DGKB: variants seen among roughly 807,000 people sequenced by gnomAD.
DGKB encodes the protein 90 kDa diacylglycerol kinase.
In DGKB, 67 loss-of-function variants were observed where a neutral mutation model predicts 114.3. The ratio of observed to expected loss-of-function variants is 0.59; its 90% CI spans 0.48 to 0.72. DGKB has a LOEUF of 0.72. Ranked by LOEUF, DGKB falls within the 30% of genes least tolerant of loss-of-function variation. DGKB has a pLI of 0.00. For missense variants in DGKB, 907 were observed against 975.2 expected (o/e 0.93, Z 0.93); for synonymous variants, 398 against 323.1 (o/e 1.23, Z -2.49).
rs1781811387 is a variant in DGKB at position 14,176,832 on chromosome 7, T to C, written c.2304+7A>G. The C allele has an allele frequency of 1.9e-6, 3 of 1,613,840 alleles. No individual in the cohort carries two copies. The highest frequency in any genetic ancestry group is 2.5e-6 in the Non-Finnish European group (3 of 1,179,770). On this transcript the variant is annotated splice_region_variant and intron_variant, in intron 25 of 25. Transcript: ENST00000402815. ...TTGACATAGCATATCAACTACTCTG[T>C]ACTCACTGTGCATGGGGTCTGCATC...
chr7:14,487,440 T>C (rs141084598), intron 20 of DGKB, among the ~76,000 whole-genome samples: 22 of 152,312 alleles, frequency 1.4e-4, no homozygotes, highest in African/African-American at 5.1e-4. Flanking sequence ...ATTAAATCTC[T>C]GTGGACTTCT....
intron 23 of DGKB, among the ~76,000 whole-genome samples, chr7:14,279,770 G>A (rs1799636125): frequency 6.7e-6 from 1 of 149,854 alleles, no homozygotes; most frequent in Non-Finnish European, 1.5e-5. Flanking sequence ...ACACTGCAGG[G>A]TACTCCAACA....
intron 20 of DGKB, among the ~76,000 whole-genome samples, chr7:14,511,808 C>T (rs1234278576): frequency 6.6e-6 from 1 of 151,996 alleles, no homozygotes; most frequent in East Asian, 1.9e-4. Flanking sequence ...TATTAATAGC[C>T]TAATTTCAAT....
chr7:14,915,295 T>C (rs1323282386), intron 1 of DGKB, among the ~76,000 whole-genome samples: 2 of 152,130 alleles, frequency 1.3e-5, no homozygotes, highest in African/African-American at 2.4e-5. Flanking sequence ...GGAGAATCAC[T>C]TGAGCCCAGG....
intron 21 of DGKB, among the ~76,000 whole-genome samples, chr7:14,407,508 C>A (rs1205513000): frequency 6.6e-6 from 1 of 151,980 alleles, no homozygotes; most frequent in Non-Finnish European, 1.5e-5. Context: ...GGAGAAGAAG[C>A]TACCTGGGTA....
intron 2 of DGKB, among the ~76,000 whole-genome samples, chr7:14,796,964 T>C (rs932462104): frequency 6.6e-6 from 1 of 152,194 alleles, no homozygotes; most frequent in Non-Finnish European, 1.5e-5. Context: ...CACTTTTCTT[T>C]AATTAATAAT....
At chr7:14,930,242 C>G (rs1412159822) in intron 1 of DGKB, among the ~76,000 whole-genome samples, 1 of 151,984 alleles carries the variant, frequency 6.6e-6, no homozygotes, top group Non-Finnish European at 1.5e-5. Context: ...GGATTTTTTT[C>G]TAATTCTATG....
chr7:14,577,628 G>A (rs1166078641), intron 19 of DGKB, among the ~76,000 whole-genome samples: 1 of 150,804 alleles, frequency 6.6e-6, no homozygotes, highest in African/African-American at 2.5e-5. Flanking sequence ...AAAAAAAAAA[G>A]TGTGTCCAAT....
intron 20 of DGKB, among the ~76,000 whole-genome samples, chr7:14,537,149 C>T (rs1254292944): frequency 1.3e-5 from 2 of 151,860 alleles, no homozygotes; most frequent in East Asian, 3.9e-4. Context: ...ATTTAAAACC[C>T]TCATAAAAGA....
chr7:14,300,924 C>A (rs1054404985), intron 23 of DGKB, among the ~76,000 whole-genome samples: 9 of 152,064 alleles, frequency 5.9e-5, no homozygotes, highest in Admixed American at 3.3e-4. Flanking sequence ...TCAAAGATGA[C>A]ATTTGTTTTG....
chr7:14,509,311 T>C (rs542108134), intron 20 of DGKB, among the ~76,000 whole-genome samples: 1 of 152,028 alleles, frequency 6.6e-6, no homozygotes, highest in African/African-American at 2.4e-5. Flanking sequence ...TGGGGAGCCA[T>C]GGGTGGCCTC....
At chr7:14,768,617 TAC>T (rs1341800509) in intron 2 of DGKB, among the ~76,000 whole-genome samples, 18 of 149,544 alleles carry the variant, frequency 1.2e-4, no homozygotes, top group Admixed American at 1.1e-3. Context: ...TCTTCAGAAT[TAC>T]AGTTATTACT....
intron 20 of DGKB, among the ~76,000 whole-genome samples, chr7:14,537,790 G>T (rs1414001875): frequency 1.3e-5 from 2 of 152,066 alleles, no homozygotes; most frequent in African/African-American, 2.4e-5. Context: ...AAATAAATAC[G>T]TGGGACTGGG....
chr7:14,457,145 A>T (rs1279518430), intron 21 of DGKB, among the ~76,000 whole-genome samples: 1 of 152,198 alleles, frequency 6.6e-6, no homozygotes, highest in Non-Finnish European at 1.5e-5. Context: ...ATTTAATTGT[A>T]CACAAGTTAA....
intron 20 of DGKB, among the ~76,000 whole-genome samples, chr7:14,556,940 C>A (rs1398832758): frequency 6.6e-6 from 1 of 152,096 alleles, no homozygotes; most frequent in African/African-American, 2.4e-5. Flanking sequence ...GAATTGCCAC[C>A]AAGTTTAGTA....
chr7:14,816,852 C>T (rs762724998), intron 2 of DGKB, among the ~76,000 whole-genome samples: 1 of 152,146 alleles, frequency 6.6e-6, no homozygotes, highest in Non-Finnish European at 1.5e-5. Flanking sequence ...AGGTACCCAA[C>T]ATATTTATGT....
chr7:14,454,153 C>G (rs1831938371), intron 21 of DGKB, among the ~76,000 whole-genome samples: 1 of 152,076 alleles, frequency 6.6e-6, no homozygotes, highest in Admixed American at 6.6e-5. Context: ...GAACATTACA[C>G]TTCTTCTCTT....
At chr7:14,499,628 G>T (rs1785821364) in intron 20 of DGKB, among the ~76,000 whole-genome samples, 1 of 151,714 alleles carries the variant, frequency 6.6e-6, no homozygotes, top group Admixed American at 6.6e-5. Context: ...CTTTTTACAA[G>T]CAAGGAAACT....
intron 4 of DGKB, among the ~76,000 whole-genome samples, chr7:14,744,619 C>T (rs184770088): frequency 1.3e-3 from 200 of 152,276 alleles, no homozygotes; most frequent in African/African-American, 4.5e-3. Flanking sequence ...GAACAGAATT[C>T]CATCAAAAGC....
Sources: allele counts gnomAD v4.1 joint callset (sites outside exome capture counted in the v4.1 genomes callset), GRCh38; gene constraint gnomAD v4.1.1; transcripts MANE v1.5; gene names NCBI Gene and HGNC (gene_info 2026-07-23, HGNC 2026-07-21).